The following PLD3 variants were observed in gnomAD, a reference collection of about 807,000 sequenced individuals.
The protein encoded by PLD3 is phospholipase D family member 3.
PLD3 carries 31 observed loss-of-function variants against 58.4 expected under a neutral mutation model. The observed-to-expected ratio is 0.53, with a 90% confidence interval of 0.40 to 0.72. The LOEUF is 0.72. PLD3 is among the 30% of genes least tolerant of loss of function. The probability of loss-of-function intolerance (pLI) is 0.00; values close to 1 mark genes in which losing one functional copy is unlikely to be tolerated. For synonymous variants in PLD3, 264 were observed against 273.4 expected (o/e 0.97, Z 0.34); for missense variants, 595 against 659.8 (o/e 0.90, Z 1.08).
rs529404338 is a variant in PLD3, at chr19:40,367,620, G to A, written c.246-76G>A. 9.5e-5 allele frequency: 122 copies of A among 1,284,530 alleles called. No individual in the cohort carries two copies. In the African/African-American group the frequency reaches 1.4e-3, roughly 15 times the overall value. 79.6% of individuals were successfully genotyped at this position (1,284,530 alleles called of 1,614,324 possible). ...ATACAGTCTATCCAACACACCCATGGACGGACAGCTGAGCACTCACCTCCC... is the reference window on the plus strand; with the variant it reads ...ATACAGTCTATCCAACACACCCATGAACGGACAGCTGAGCACTCACCTCCC... On this transcript the variant is annotated intron_variant, in intron 5 of 12. Coordinates refer to ENST00000409735, the MANE Select transcript of PLD3 (RefSeq NM_012268.4).
intron 1 of PLD3, among the ~76,000 whole-genome samples, chr19:40,355,629 T>C (rs2078638285): frequency 6.7e-6 from 1 of 149,632 alleles, no homozygotes; most frequent in Admixed American, 6.7e-5. Context: ...TTTTTTTTTT[T>C]TTTTTTTTCC....
chr19:40,364,488 TA>T (rs965965680), intron 1 of PLD3, among the ~76,000 whole-genome samples: 145 of 135,880 alleles, frequency 1.1e-3, no homozygotes, highest in Non-Finnish European at 1.0e-3. Context: ...TATACAAAAT[TA>T]AAAAAAAAAA....
Position 40,348,721 on chromosome 19 carries a change from GAA to G in PLD3, c.-325_-324del. Reference sequence around the variant, plus strand: ...GGCCGTCAGGCGGGGATACAGCCTGGAAGGTGCGTGTGGGGCTGGGTCTCGGA... The same window carrying G: ...GGCCGTCAGGCGGGGATACAGCCTGGGGTGCGTGTGGGGCTGGGTCTCGGA... On this transcript the variant is annotated 5_prime_UTR_variant, in exon 1 of 13. Coordinates refer to ENST00000409735, the MANE Select transcript of PLD3 (RefSeq NM_012268.4). The G allele has an allele frequency of 1.8e-6, 1 of 549,078 alleles. No individual in the cohort carries two copies. Among genetic ancestry groups the G allele is most frequent in the Admixed American group, 4.4e-5 (1 of 22,564 alleles). 34.0% of individuals were successfully genotyped at this position (549,078 alleles called of 1,614,324 possible).
At chr19:40,367,052 C>T (rs976821620) in intron 5 of PLD3, 137 bp downstream of exon 5, 20 of 877,208 alleles carry the variant, frequency 2.3e-5, no homozygotes, top group South Asian at 3.6e-5. Flanking sequence ...CCCAAGTGCT[C>T]GCCCGCCCCC....
chr19:40,367,832 A>G lies in PLD3; in HGVS notation c.382A>G (p.Thr128Ala). Residue 128 changes from threonine (T) to alanine (A), a missense_variant, in exon 6 of 13, where the codon ACC becomes GCC. Thr to Ala is a moderately conservative substitution (Grantham distance 58). Coordinates refer to ENST00000409735, the MANE Select transcript of PLD3 (RefSeq NM_012268.4). ...SSLDIASFYWTLTNNDTHTQE... is the reference protein window; with the variant it reads ...SSLDIASFYWALTNNDTHTQE... ...CCTGGACATCGCCTCCTTCTACTGG[A>G]CCCTCACCAACAATGACACCCACAC... 2 of 1,585,434 alleles carry G rather than the reference A, an allele frequency of 1.3e-6. No individual in the cohort carries two copies. The highest frequency in any genetic ancestry group is 1.7e-6 in the Non-Finnish European group (2 of 1,167,334).
At chr19:40,349,408 C>T (rs758940007) in intron 1 of PLD3, among the ~76,000 whole-genome samples, 2 of 152,118 alleles carry the variant, frequency 1.3e-5, no homozygotes, top group Non-Finnish European at 2.9e-5. Context: ...CCCTCCGTGT[C>T]TTCGTCATTT....
intron 1 of PLD3, among the ~76,000 whole-genome samples, chr19:40,354,823 G>A (rs759560844): frequency 6.9e-5 from 10 of 145,958 alleles, no homozygotes; most frequent in Non-Finnish European, 1.5e-4. Flanking sequence ...ACCGTGCCCG[G>A]CTGTGTTATT....
intron 9 of PLD3, 70 bp from the exon 10 acceptor site, chr19:40,374,411 T>C (rs370927211): frequency 6.4e-7 from 1 of 1,557,382 alleles, no homozygotes. Context: ...TGGTGAGCTG[T>C]CCGTATGTGG....
chr19:40,350,260 C>CAA (rs763559067), intron 1 of PLD3, among the ~76,000 whole-genome samples: 2,289 of 64,048 alleles, frequency 0.036, 120 homozygotes, highest in Non-Finnish European at 0.048. Context: ...GACTCCGTCT[C>CAA]AAAAAAAAAA....
intron 5 of PLD3, 101 bp downstream of exon 5, chr19:40,367,016 T>C: frequency 7.4e-6 from 10 of 1,358,008 alleles, no homozygotes; most frequent in Non-Finnish European, 9.9e-6. Context: ...ACCCAGCGCT[T>C]GCGACAAGTG....
chr19:40,367,067 C>G, intron 5 of PLD3, 152 bp downstream of exon 5: 1 of 725,752 alleles, frequency 1.4e-6, no homozygotes, highest in South Asian at 1.9e-5. Context: ...GCCCCCTCCT[C>G]CTCCACACAC....
Position 40,370,253 on chromosome 19 carries a change from G to A in PLD3, c.678+16G>A, listed in dbSNP as rs756750029. 1.5e-4 allele frequency: 234 copies of A among 1,605,932 alleles called. No individual in the cohort carries two copies. Among genetic ancestry groups the A allele is most frequent in the Admixed American group, 1.9e-4 (11 of 58,816 alleles). ...ACTGACCCAGGTCTGTCTGCACCCT[G>A]TCTACCTTCCTTCCAGGCCACTCCC... On this transcript the variant is annotated intron_variant, in intron 8 of 12. Coordinates refer to ENST00000409735, the MANE Select transcript of PLD3 (RefSeq NM_012268.4).
chr19:40,361,205 G>A (rs1391694547), intron 1 of PLD3, among the ~76,000 whole-genome samples: 1 of 152,072 alleles, frequency 6.6e-6, no homozygotes, highest in Admixed American at 6.5e-5. Context: ...CCTCCTCCTG[G>A]GTTCAAGCGA....
chr19:40,365,634 G>A (rs1001626198), intron 1 of PLD3, 84 bp from the exon 2 acceptor site: 1 of 152,170 alleles, frequency 6.6e-6, no homozygotes, highest in Non-Finnish European at 1.5e-5. Flanking sequence ...TTTACCTGTG[G>A]CCTCCCTGCC....
intron 5 of PLD3, 144 bp downstream of exon 5, chr19:40,367,059 C>T (rs1308425326): frequency 8.7e-6 from 7 of 802,944 alleles, no homozygotes; most frequent in Non-Finnish European, 1.3e-5. Flanking sequence ...GCTCGCCCGC[C>T]CCCTCCTCCT....
chr19:40,373,808 G>A (rs889983944), intron 9 of PLD3, among the ~76,000 whole-genome samples: 2 of 151,866 alleles, frequency 1.3e-5, no homozygotes, highest in Admixed American at 6.6e-5. Flanking sequence ...CCAACATGGT[G>A]AAATCCCATC....
chr19:40,369,840 C>T (rs1307638392), intron 6 of PLD3, 68 bp from the exon 7 acceptor site: 36 of 1,415,332 alleles, frequency 2.5e-5, no homozygotes, highest in South Asian at 5.6e-5. Flanking sequence ...ATAACTCCAC[C>T]GGGCATTACC....
At chr19:40,349,126 A>G (rs1437675973) in intron 1 of PLD3, among the ~76,000 whole-genome samples, 1 of 152,048 alleles carries the variant, frequency 6.6e-6, no homozygotes, top group Non-Finnish European at 1.5e-5. Flanking sequence ...CGTCATCGCC[A>G]TATGTTACCT....
At chr19:40,376,449 G>A (rs2079203484) in intron 10 of PLD3, 160 bp from the exon 11 acceptor site, 1 of 643,598 alleles carries the variant, frequency 1.6e-6, no homozygotes, top group Admixed American at 2.6e-5. Context: ...TAGGGATGTG[G>A]GATTTATGGA....
Sources: allele counts gnomAD v4.1 joint callset (sites outside exome capture counted in the v4.1 genomes callset), GRCh38; gene constraint gnomAD v4.1.1; transcripts MANE v1.5; gene names NCBI Gene and HGNC (gene_info 2026-07-23, HGNC 2026-07-21).